OTUD7A: variants seen among roughly 807,000 people sequenced by gnomAD.
OTUD7A encodes OTU domain-containing protein 7A.
A neutral mutation model predicts 65.7 loss-of-function variants in OTUD7A; 12 were observed. That is an observed-to-expected ratio of 0.18 (90% confidence interval 0.12 to 0.30). OTUD7A has a LOEUF of 0.30. OTUD7A is among the 10% of genes least tolerant of loss of function. OTUD7A has a pLI of 1.00. For synonymous variants in OTUD7A, 641 were observed against 586.3 expected (o/e 1.09, Z -1.35); for missense variants, 1,148 against 1,304.8 (o/e 0.88, Z 1.85).
intron 1 of OTUD7A, among the ~76,000 whole-genome samples, chr15:31,742,218 T>C (rs1227658630): frequency 6.6e-6 from 1 of 151,886 alleles, no homozygotes; most frequent in African/African-American, 2.4e-5. Context: ...TAGCACATAA[T>C]CTTGGAATGG....
intron 1 of OTUD7A, among the ~76,000 whole-genome samples, chr15:31,714,638 A>G (rs1804023588): frequency 1.3e-5 from 2 of 152,284 alleles, no homozygotes; most frequent in African/African-American, 4.8e-5. Flanking sequence ...GCCCTTATGC[A>G]AAGCTAATAA....
chr15:31,685,105 A>G (rs1264076357), intron 1 of OTUD7A, among the ~76,000 whole-genome samples: 5 of 152,256 alleles, frequency 3.3e-5, no homozygotes, highest in South Asian at 2.1e-4. Flanking sequence ...TAGAATGCAA[A>G]TAAGTCTGAT....
intron 1 of OTUD7A, among the ~76,000 whole-genome samples, chr15:31,663,609 T>G (rs1892234005): frequency 6.6e-6 from 1 of 152,168 alleles, no homozygotes. Context: ...GCAAAGGACA[T>G]GATCTGTTTC....
At chr15:31,759,075 A>C (rs760744415) in intron 1 of OTUD7A, among the ~76,000 whole-genome samples, 4 of 152,160 alleles carry the variant, frequency 2.6e-5, no homozygotes, top group Non-Finnish European at 5.9e-5. Flanking sequence ...AGATTGCTAT[A>C]ACCCTCCACC....
intron 3 of OTUD7A, among the ~76,000 whole-genome samples, chr15:31,580,456 C>T (rs1369236093): frequency 1.3e-5 from 2 of 152,210 alleles, no homozygotes; most frequent in African/African-American, 4.8e-5. Flanking sequence ...ATAGCAGAGA[C>T]TGCATTTGCA....
At chr15:31,869,505 C>T (rs990996893) in intron 1 of OTUD7A, among the ~76,000 whole-genome samples, 2 of 152,232 alleles carry the variant, frequency 1.3e-5, no homozygotes, top group African/African-American at 4.8e-5. Flanking sequence ...CAGCCCACTT[C>T]CATTTACAAA....
chr15:31,591,481 C>T (rs770604379), intron 3 of OTUD7A, among the ~76,000 whole-genome samples: 16 of 152,154 alleles, frequency 1.1e-4, no homozygotes, highest in East Asian at 3.8e-4. Context: ...ATCTAATCCA[C>T]GGAAGGGCTG....
intron 1 of OTUD7A, among the ~76,000 whole-genome samples, chr15:31,852,368 C>T (rs376761279): frequency 1.2e-4 from 18 of 152,126 alleles, no homozygotes; most frequent in East Asian, 5.8e-4. Context: ...ACTTTTAAGT[C>T]GCCATGGCCT....
At chr15:31,779,429 G>A (rs563198411) in intron 1 of OTUD7A, among the ~76,000 whole-genome samples, 10 of 152,162 alleles carry the variant, frequency 6.6e-5, no homozygotes, top group Non-Finnish European at 1.2e-4. Context: ...TTCTCACACT[G>A]CCAACCTGTT....
chr15:31,567,420 G>A (rs1888909541), intron 4 of OTUD7A, among the ~76,000 whole-genome samples: 1 of 152,240 alleles, frequency 6.6e-6, no homozygotes, highest in African/African-American at 2.4e-5. Flanking sequence ...TTCAGATGCT[G>A]CAGCAAAGAT....
intron 3 of OTUD7A, among the ~76,000 whole-genome samples, chr15:31,600,730 G>A (rs1344690523): frequency 6.6e-6 from 1 of 152,078 alleles, no homozygotes; most frequent in African/African-American, 2.4e-5. Context: ...CACATGCAAA[G>A]ACACACACAG....
chr15:31,612,128 C>G (rs1446760703), intron 3 of OTUD7A, among the ~76,000 whole-genome samples: 1 of 151,996 alleles, frequency 6.6e-6, no homozygotes, highest in Non-Finnish European at 1.5e-5. Flanking sequence ...TTGGCAAAAT[C>G]AGCAACAAGA....
At chr15:31,746,469 G>A (rs1181701684) in intron 1 of OTUD7A, among the ~76,000 whole-genome samples, 1 of 151,128 alleles carries the variant, frequency 6.6e-6, no homozygotes, top group African/African-American at 2.4e-5. Flanking sequence ...ATAGAAGCTG[G>A]AAACAAGGTA....
chr15:31,734,653 T>C (rs1232560646), intron 1 of OTUD7A, among the ~76,000 whole-genome samples: 1 of 152,018 alleles, frequency 6.6e-6, no homozygotes, highest in Non-Finnish European at 1.5e-5. Flanking sequence ...AAGGAACGTG[T>C]AAAAGACTCT....
intron 1 of OTUD7A, among the ~76,000 whole-genome samples, chr15:31,743,812 T>A (rs1894405024): frequency 6.6e-6 from 1 of 151,602 alleles, no homozygotes. Context: ...GAAAGATTCA[T>A]AAGACCGGTA....
intron 8 of OTUD7A, among the ~76,000 whole-genome samples, chr15:31,523,639 T>G (rs1259704728): frequency 6.6e-6 from 1 of 152,192 alleles, no homozygotes; most frequent in Non-Finnish European, 1.5e-5. Flanking sequence ...CGGCCCCATG[T>G]CCTGGCCTGT....
chr15:31,845,301 GGGA>G (rs1443784403), intron 1 of OTUD7A, among the ~76,000 whole-genome samples: 1 of 152,174 alleles, frequency 6.6e-6, no homozygotes, highest in Admixed American at 6.5e-5. Flanking sequence ...CCATCTCAAG[GGGA>G]GGAGAATTGA....
At chr15:31,665,346 C>T (rs1278902225) in intron 1 of OTUD7A, among the ~76,000 whole-genome samples, 1 of 152,098 alleles carries the variant, frequency 6.6e-6, no homozygotes, top group African/African-American at 2.4e-5. Flanking sequence ...CACCAGTGTT[C>T]TGTAGTTTTC....
chr15:31,610,613 A>ATTTTT lies in OTUD7A; in HGVS notation c.152-40417_152-40416insAAAAA, dbSNP rs1228282525. On this transcript the variant is annotated intron_variant, in intron 3 of 12. Coordinates refer to ENST00000307050, the MANE Select transcript of OTUD7A (RefSeq NM_001382637.1). ...TGAAATTATATATATATATATATATATATATTTTTTTTTTTTTTTTTTTTT... is the reference window on the plus strand; with the variant it reads ...TGAAATTATATATATATATATATATATTTTTTATATTTTTTTTTTTTTTTTTTTTT... 6.7e-3 allele frequency among the ~76,000 whole-genome samples: 213 copies of ATTTTT among 31,582 alleles called. 1 individual carries two copies. Among genetic ancestry groups the ATTTTT allele is most frequent in the East Asian group, 0.014 (7 of 518 alleles). 20.7% of individuals were successfully genotyped at this position (31,582 alleles called of 152,430 possible).
Sources: allele counts gnomAD v4.1 joint callset (sites outside exome capture counted in the v4.1 genomes callset), GRCh38; gene constraint gnomAD v4.1.1; transcripts MANE v1.5; gene names NCBI Gene and HGNC (gene_info 2026-07-23, HGNC 2026-07-21).